The following TAGAP variants were observed in gnomAD, a reference collection of about 807,000 sequenced individuals.
The protein encoded by TAGAP is T-cell activation Rho GTPase-activating protein.
A neutral mutation model predicts 36.0 loss-of-function variants in TAGAP; 16 were observed. The observed-to-expected ratio is 0.44, with a 90% CI of 0.30 to 0.68. The LOEUF is 0.68. TAGAP is among the 30% of genes least tolerant of loss of function. TAGAP has a pLI of 0.09. For synonymous variants in TAGAP, 372 were observed against 377.4 expected (o/e 0.99, Z 0.17); for missense variants, 794 against 921.5 (o/e 0.86, Z 1.79).
rs758731322 is a variant in TAGAP at position 159,037,007 on chromosome 6, G to A, written c.1016C>T (p.Ala339Val). The A allele has an allele frequency of 3.9e-5, 63 of 1,613,792 alleles. No individual in the cohort carries two copies. The highest frequency in any genetic ancestry group is 5.2e-5 in the Non-Finnish European group (61 of 1,180,008). Residue 339 changes from alanine to valine, a missense_variant, in exon 10 of 10, where the codon GCT (alanine) becomes GTT (valine). Transcript: ENST00000367066. This position sits in a 1 kb window ranked among gnomAD's most constrained non-coding sequence, Gnocchi z 5.1. ...TGGGCCCGCGCTATCCAAGCCAGCA[G>A]CTGTGGCCATGGGCACCTGGGGCTG... ...SRQPQVPMAT[A>V]AGLDSAGPQD... is the part of the protein sequence containing the mutation.
chr6:159,038,212 T>G lies in TAGAP; in HGVS notation c.800A>C (p.Glu267Ala), dbSNP rs1411042666. Residue 267 changes from glutamate (E) to alanine (A), a missense_variant, in exon 9 of 10, where the codon GAA becomes GCA. Coordinates refer to ENST00000367066, the MANE Select transcript of TAGAP (RefSeq NM_054114.5). ...TTCAAAGCAGTTATCAATGAGGAATTCCACCAGTGTCTTCACCTGTGAGGA... is the reference window on the plus strand; with the variant it reads ...TTCAAAGCAGTTATCAATGAGGAATGCCACCAGTGTCTTCACCTGTGAGGA... ...DLNNKVKTLV[E>A]FLIDNCFEIF... 3.1e-6 allele frequency: 5 copies of G among 1,606,932 alleles called. No homozygotes were observed. The highest frequency in any genetic ancestry group is 4.5e-5 in the East Asian group (2 of 44,784).
In TAGAP at chr6:159,036,940, G is replaced by A. The variant is rs1460964785; in HGVS notation, c.1083C>T (p.Thr361=). 3.1e-6 allele frequency: 5 copies of A among 1,613,600 alleles called. No individual in the cohort carries two copies. The highest frequency in any genetic ancestry group is 2.2e-5 in the East Asian group (1 of 44,828). The change falls in exon 10 of 10, where the codon ACC becomes ACT. Residue 361 remains threonine, a synonymous_variant. Transcript: ENST00000367066. The surrounding 1 kb of genome is among the most constrained non-coding windows in gnomAD (Gnocchi z 4.9). The part of the protein sequence containing the change: ...REVSPEPIVS[T]VARLKSSLAQ... ...CGAGGGAGCTTTTCAGCCTGGCCAC[G>A]GTGCTCACAATGGGCTCTGGGCTGA...
rs781455427 is a variant in TAGAP, at chr6:159,036,526, C to T, written c.1497G>A (p.Lys499=). The T allele has an allele frequency of 1.2e-6, 2 of 1,614,116 alleles. No individual in the cohort carries two copies. The highest frequency in any genetic ancestry group is 8.5e-7 in the Non-Finnish European group (1 of 1,180,014). ...QSFTTKTEKG[K]PSREIKKHSM... Reference sequence around the variant, plus strand: ...AGTGCTTTTTAATTTCTCGGCTGGGCTTGCCTTTCTCTGTCTTTGTGGTGA... The same window carrying T: ...AGTGCTTTTTAATTTCTCGGCTGGGTTTGCCTTTCTCTGTCTTTGTGGTGA... Residue 499 remains lysine, a synonymous_variant, in exon 10 of 10, where the codon AAG becomes AAA. Transcript: ENST00000367066. This position sits in a 1 kb window ranked among gnomAD's most constrained non-coding sequence, Gnocchi z 4.9.
chr6:159,039,429 T>G (rs1223649455), intron 7 of TAGAP, 120 bp from the exon 8 acceptor site: 7 of 1,056,192 alleles, frequency 6.6e-6, no homozygotes, highest in Non-Finnish European at 9.7e-6. Context: ...TTTTCACAAG[T>G]AATATTGTGA....
intron 4 of TAGAP, 43 bp downstream of exon 4, chr6:159,043,543 GGTT>G: frequency 6.3e-7 from 1 of 1,583,722 alleles, no homozygotes; most frequent in Non-Finnish European, 8.7e-7. Flanking sequence ...CAAGAGCACT[GGTT>G]GTTAGCACTT....
rs888868031 is a variant in TAGAP at position 159,035,024 on chromosome 6, G to A, written c.*803C>T. On this transcript the variant is annotated 3_prime_UTR_variant, in exon 10 of 10. Transcript: ENST00000367066. ...TTTCAAATAAGGAAGGCAATTTATT[G>A]TAGTGAAATTACATTGAAGTTTTAT... 6.6e-6 allele frequency: 1 copy of A among 152,306 alleles called. No homozygotes were observed. The highest frequency in any genetic ancestry group is 2.4e-5 in the African/African-American group (1 of 41,426). The allele number at this position is 152,306 out of a possible 1,614,324, so 9.4% of individuals were successfully genotyped here. A position where few individuals can be genotyped will look rare whatever the true frequency, so the allele number is the denominator to read the frequency against.
At chr6:159,038,037 A>C in intron 9 of TAGAP, 77 bp downstream of exon 9, 4 of 917,572 alleles carry the variant, frequency 4.4e-6, no homozygotes, top group Non-Finnish European at 7.0e-6. Flanking sequence ...CTCAAATATC[A>C]GAGATGCTTT....
intron 7 of TAGAP, 99 bp from the exon 8 acceptor site, chr6:159,039,408 A>T: frequency 7.9e-7 from 1 of 1,262,652 alleles, no homozygotes; most frequent in South Asian, 1.4e-5. Context: ...CTTTAAAATG[A>T]GGAAGGTGCA....
intron 3 of TAGAP, 84 bp downstream of exon 3, chr6:159,043,894 T>C (rs1048743777): frequency 7.8e-6 from 10 of 1,285,462 alleles, no homozygotes; most frequent in Middle Eastern, 5.0e-4. Context: ...ATAATTACTA[T>C]TCAACCCAAA....
In TAGAP at chr6:159,041,572, A is replaced by T. The variant is rs185043749; in HGVS notation, c.316-57T>A. 7 of 1,543,476 alleles carry T rather than the reference A, an allele frequency of 4.5e-6. No homozygotes were observed. In the Admixed American group the frequency reaches 1.4e-4, roughly 31 times the overall value. On this transcript the variant is annotated intron_variant, in intron 5 of 9. Coordinates refer to ENST00000367066, the MANE Select transcript of TAGAP (RefSeq NM_054114.5). This position sits in a 1 kb window ranked among gnomAD's most constrained non-coding sequence, Gnocchi z 4.1. ...GTTACCCTTCTTCTTTAGTATACTG[A>T]GATAGTCTTAACAGGAATATTGATG...
intron 4 of TAGAP, 86 bp downstream of exon 4, chr6:159,043,503 G>A: frequency 7.8e-7 from 1 of 1,282,498 alleles, no homozygotes; most frequent in South Asian, 1.2e-5. Flanking sequence ...AAAATTCCTA[G>A]TAGAGTAAAA....
intron 1 of TAGAP, among the ~76,000 whole-genome samples, chr6:159,044,594 T>C (rs927729508): frequency 2.6e-5 from 4 of 151,266 alleles, no homozygotes; most frequent in African/African-American, 7.3e-5. Flanking sequence ...CCAGCTGTCG[T>C]AGTAGGTGCT....
chr6:159,036,130 G>A lies in TAGAP; in HGVS notation c.1893C>T (p.His631=). 6.2e-7 allele frequency: 1 copy of A among 1,613,676 alleles called. No individual in the cohort carries two copies. The highest frequency in any genetic ancestry group is 8.5e-7 in the Non-Finnish European group (1 of 1,179,834). ...GSMRARMLEA[H]CLLPPLPPAH... ...CAGGTGGAAGAGGGGGTAGGAGGCA[G>A]TGCGCCTCCAGCATCCTCGCCCTCA... The change falls in exon 10 of 10, where the codon CAC becomes CAT. Residue 631 remains histidine, a synonymous_variant. Transcript: ENST00000367066. This position sits in a 1 kb window ranked among gnomAD's most constrained non-coding sequence, Gnocchi z 4.9.
chr6:159,038,617 T>C (rs527702672), intron 8 of TAGAP, among the ~76,000 whole-genome samples: 1 of 152,196 alleles, frequency 6.6e-6, no homozygotes, highest in Non-Finnish European at 1.5e-5. Context: ...CTCAAACTCC[T>C]GAGCTCAGGC....
intron 3 of TAGAP, 119 bp from the exon 4 acceptor site, chr6:159,043,774 G>T: frequency 8.9e-7 from 1 of 1,125,910 alleles, no homozygotes; most frequent in Admixed American, 2.0e-5. Context: ...AGAGTGCATT[G>T]ATGTTTTTTC....
intron 7 of TAGAP, among the ~76,000 whole-genome samples, chr6:159,040,305 G>A (rs2235819): frequency 0.13 from 20,483 of 152,208 alleles, 1,959 homozygotes; most frequent in East Asian, 0.41. Context: ...GCTGCATCCT[G>A]AGGGATGTTT....
chr6:159,043,364 T>C (rs1398353252), intron 4 of TAGAP, among the ~76,000 whole-genome samples: 2 of 152,236 alleles, frequency 1.3e-5, no homozygotes, highest in Non-Finnish European at 2.9e-5. Context: ...TAAAAACGCT[T>C]GGCAGAACTG....
Position 159,036,608 on chromosome 6 carries a change from G to C in TAGAP, c.1415C>G (p.Ser472Trp). The C allele has an allele frequency of 6.2e-7, 1 of 1,614,152 alleles. No individual in the cohort carries two copies. The highest frequency in any genetic ancestry group is 8.5e-7 in the Non-Finnish European group (1 of 1,180,006). The change falls in exon 10 of 10, where the codon TCG (serine) becomes TGG (tryptophan). Residue 472 changes from serine (S) to tryptophan (W), a missense_variant. Transcript: ENST00000367066. This position sits in a 1 kb window ranked among gnomAD's most constrained non-coding sequence, Gnocchi z 4.9. ...SSSLDASSDS[S>W]PVASPSSPKR... Reference sequence around the variant, plus strand: ...GGGACTGGAAGGAGAAGCCACGGGCGAGCTGTCAGAGGACGCGTCCAGCGA... The same window carrying C: ...GGGACTGGAAGGAGAAGCCACGGGCCAGCTGTCAGAGGACGCGTCCAGCGA...
In TAGAP at chr6:159,036,275, T is replaced by C. The variant is rs371408856; in HGVS notation, c.1748A>G (p.Gln583Arg). The stretch of plus-strand genomic sequence containing the variant: ...TCCAGGCCTCTCCCAGTCAGCTCCC[T>C]GGAACACATCATCCACCGAGAGGGC... ...PHALSVDDVFQGADWERPGSP... is the reference protein window; with the variant it reads ...PHALSVDDVFRGADWERPGSP... The change falls in exon 10 of 10, where the codon CAG becomes CGG. Residue 583 changes from glutamine to arginine, a missense_variant. Transcript: ENST00000367066. The surrounding 1 kb of genome is among the most constrained non-coding windows in gnomAD (Gnocchi z 4.9). The C allele has an allele frequency of 2.0e-5, 33 of 1,611,816 alleles. 1 individual carries two copies. The African/African-American group carries it at 3.8e-4, about 18-fold the overall frequency.
Sources: allele counts gnomAD v4.1 joint callset (sites outside exome capture counted in the v4.1 genomes callset), GRCh38; gene constraint gnomAD v4.1.1; non-coding constraint Gnocchi (gnomAD v3.1); transcripts MANE v1.5; gene names NCBI Gene and HGNC (gene_info 2026-07-23, HGNC 2026-07-21).